RAP1GDS1: variants seen among roughly 807,000 people sequenced by gnomAD.
The protein encoded by RAP1GDS1 is Rap1 GTPase-GDP dissociation stimulator 1.
RAP1GDS1 carries 35 observed loss-of-function variants against 71.1 expected under a neutral mutation model. The observed-to-expected ratio is 0.49, with a 90% CI of 0.38 to 0.65. RAP1GDS1 has a LOEUF of 0.65. RAP1GDS1 is among the 30% of genes least tolerant of loss of function. The pLI is 0.00. For synonymous variants in RAP1GDS1, 229 were observed against 243.1 expected (o/e 0.94, Z 0.54); for missense variants, 663 against 706.1 (o/e 0.94, Z 0.69).
chr4:98,320,144 G>C (rs1731586440), intron 2 of RAP1GDS1, among the ~76,000 whole-genome samples: 1 of 152,196 alleles, frequency 6.6e-6, no homozygotes, highest in Non-Finnish European at 1.5e-5. Flanking sequence ...TGTGTTAATT[G>C]TTATGGGTAA....
intron 1 of RAP1GDS1, among the ~76,000 whole-genome samples, chr4:98,275,666 G>A (rs1168417105): frequency 6.6e-6 from 1 of 152,096 alleles, no homozygotes; most frequent in African/African-American, 2.4e-5. Context: ...GCCAATTCTT[G>A]CTATAGAGTA....
chr4:98,286,886 T>TAAA (rs778410316), intron 1 of RAP1GDS1, among the ~76,000 whole-genome samples: 166 of 90,098 alleles, frequency 1.8e-3, no homozygotes, highest in Non-Finnish European at 3.1e-3. Flanking sequence ...AACTCCGTCT[T>TAAA]AAAAAAAAAA....
At chr4:98,441,566 T>G (rs1053302612) in intron 14 of RAP1GDS1, 1 of 984,748 alleles carries the variant, frequency 1.0e-6, no homozygotes, top group Non-Finnish European at 1.2e-6. Flanking sequence ...TTATTGTAAT[T>G]AATCTTACAT....
intron 5 of RAP1GDS1, among the ~76,000 whole-genome samples, chr4:98,383,638 A>G (rs886627932): frequency 6.6e-6 from 1 of 151,554 alleles, no homozygotes; most frequent in African/African-American, 2.4e-5. Context: ...CCTGTGGCAT[A>G]TTATTGAAGC....
At chr4:98,280,828 G>T (rs1032882044) in intron 1 of RAP1GDS1, among the ~76,000 whole-genome samples, 2 of 152,164 alleles carry the variant, frequency 1.3e-5, no homozygotes, top group African/African-American at 4.8e-5. Context: ...TTCTACATAT[G>T]GCTAGCCAGT....
chr4:98,279,850 C>T lies in RAP1GDS1; in HGVS notation c.5-13558C>T, dbSNP rs950632736. Among the ~76,000 whole-genome samples the T allele has an allele frequency of 4.6e-5, 7 of 152,136 alleles. 1 individual carries two copies. Among genetic ancestry groups the T allele is most frequent in the Admixed American group, 3.9e-4 (6 of 15,270 alleles). ...TTCAGTTCCCACCTATGAGTGAGAA[C>T]TTGCGGTGTTTGGTTTTCTGTCCTT... On this transcript the variant is annotated intron_variant, in intron 1 of 14. Transcript: ENST00000408927.
intron 4 of RAP1GDS1, among the ~76,000 whole-genome samples, chr4:98,368,043 A>G (rs1045896398): frequency 2.6e-4 from 39 of 152,032 alleles, no homozygotes; most frequent in Non-Finnish European, 8.8e-5. Context: ...CCCCACCCAA[A>G]TCTCATTTTT....
At chr4:98,414,325 C>T (rs1400009389) in intron 7 of RAP1GDS1, among the ~76,000 whole-genome samples, 1 of 139,434 alleles carries the variant, frequency 7.2e-6, no homozygotes, top group African/African-American at 3.0e-5. Flanking sequence ...CCTAGGTTTT[C>T]TTCTAGGGTT....
At chr4:98,367,320 G>A (rs1739642476) in intron 4 of RAP1GDS1, among the ~76,000 whole-genome samples, 1 of 152,214 alleles carries the variant, frequency 6.6e-6, no homozygotes, top group Non-Finnish European at 1.5e-5. Context: ...CACCTACATT[G>A]CAGGAAATGT....
chr4:98,320,245 C>A (rs547719893), intron 2 of RAP1GDS1, among the ~76,000 whole-genome samples: 1 of 152,238 alleles, frequency 6.6e-6, no homozygotes, highest in African/African-American at 2.4e-5. Flanking sequence ...ATTCTTTTAT[C>A]AGCAATAATT....
At chr4:98,299,911 G>T (rs75397110) in intron 2 of RAP1GDS1, among the ~76,000 whole-genome samples, 5 of 152,014 alleles carry the variant, frequency 3.3e-5, no homozygotes, top group African/African-American at 9.7e-5. Flanking sequence ...GAGCCACTGC[G>T]CCTGGCCTCG....
intron 1 of RAP1GDS1, among the ~76,000 whole-genome samples, chr4:98,266,949 C>T (rs1722784672): frequency 1.3e-5 from 2 of 152,110 alleles, no homozygotes; most frequent in Non-Finnish European, 2.9e-5. Context: ...GTGGCACTAA[C>T]AACAGCCATC....
intron 12 of RAP1GDS1, among the ~76,000 whole-genome samples, chr4:98,422,378 C>T (rs566738625): frequency 6.2e-4 from 94 of 151,184 alleles, no homozygotes; most frequent in African/African-American, 2.1e-3. Context: ...CCACCACACT[C>T]GGCTAATTTT....
At chr4:98,381,917 T>G (rs1179571323) in intron 5 of RAP1GDS1, among the ~76,000 whole-genome samples, 5 of 151,568 alleles carry the variant, frequency 3.3e-5, no homozygotes, top group Non-Finnish European at 7.4e-5. Context: ...TATTTATTAG[T>G]CTCAAAATTG....
intron 2 of RAP1GDS1, among the ~76,000 whole-genome samples, chr4:98,308,205 C>A (rs1182543401): frequency 2.1e-5 from 3 of 140,458 alleles, no homozygotes; most frequent in Non-Finnish European, 4.6e-5. Context: ...TATATGTGTG[C>A]GTGTATATAG....
chr4:98,261,698 T>C, intron 1 of RAP1GDS1, 129 bp downstream of exon 1: 1 of 1,243,070 alleles, frequency 8.0e-7, no homozygotes. Flanking sequence ...CGGTGGCTGT[T>C]CCTCCGGGGA....
intron 5 of RAP1GDS1, among the ~76,000 whole-genome samples, chr4:98,386,332 T>G (rs1442224588): frequency 6.6e-6 from 1 of 151,924 alleles, no homozygotes; most frequent in East Asian, 1.9e-4. Context: ...CTGTTGATTT[T>G]TGCTTTGGCA....
chr4:98,360,270 T>A (rs777378563), intron 4 of RAP1GDS1, among the ~76,000 whole-genome samples: 2 of 152,202 alleles, frequency 1.3e-5, no homozygotes, highest in Non-Finnish European at 2.9e-5. Context: ...AGAGGCAACC[T>A]GTGAGAGAGT....
At chr4:98,391,746 T>C (rs1022813399) in intron 5 of RAP1GDS1, among the ~76,000 whole-genome samples, 3 of 152,194 alleles carry the variant, frequency 2.0e-5, no homozygotes, top group African/African-American at 7.2e-5. Flanking sequence ...GCCTTTTGGT[T>C]ATTCAAAGGA....
Sources: gnomAD v4.1 joint callset for allele counts (sites outside exome capture counted in the v4.1 genomes callset) on GRCh38, gnomAD v4.1.1 for gene constraint, MANE v1.5 for transcripts, NCBI Gene and HGNC (gene_info 2026-07-23, HGNC 2026-07-21) for gene names.